Variants in HHIPL1 observed in about 807,000 individuals in gnomAD.
HHIPL1 encodes HHIP-like protein 1.
Under a neutral mutation model 61.8 loss-of-function variants are expected in HHIPL1, and 43 were observed. The ratio of observed to expected loss-of-function variants is 0.70; its 90% confidence interval spans 0.55 to 0.90. The LOEUF (loss-of-function observed/expected upper bound fraction) is 0.90, where lower values mean the gene tolerates loss of function less well. Ranked by LOEUF, HHIPL1 falls within the 40% of genes least tolerant of loss-of-function variation. The probability of loss-of-function intolerance (pLI) is 0.00; values close to 1 mark genes in which losing one functional copy is unlikely to be tolerated. For missense variants in HHIPL1, 1,056 were observed against 1,157.7 expected (o/e 0.91, Z 1.28); for synonymous variants, 482 against 515.8 (o/e 0.93, Z 0.89).
chr14:99,675,526 G>A lies in HHIPL1; in HGVS notation c.2249G>A (p.Arg750Gln), dbSNP rs1239506390. 2.7e-5 allele frequency: 42 copies of A among 1,541,526 alleles called. No individual in the cohort carries two copies. Among genetic ancestry groups the A allele is most frequent in the Admixed American group, 5.9e-5 (3 of 50,956 alleles). ...LDDVRCAGWE[R>Q]NLLECQHNGV... ...GATGTGCGCTGCGCGGGCTGGGAGC[G>A]GAACCTGCTGGAGTGCCAGCACAAC... Residue 750 changes from arginine to glutamine, a missense_variant, in exon 9 of 9, where the codon CGG (arginine) becomes CAG (glutamine). Transcript: ENST00000330710. The surrounding 1 kb of genome is among the most constrained non-coding windows in gnomAD (Gnocchi z 5.4).
intron 1 of HHIPL1, among the ~76,000 whole-genome samples, chr14:99,651,509 C>T (rs1044286245): frequency 6.6e-6 from 1 of 152,172 alleles, no homozygotes; most frequent in African/African-American, 2.4e-5. Context: ...TGAGAACTCA[C>T]TCGCTCTACA....
intron 1 of HHIPL1, among the ~76,000 whole-genome samples, chr14:99,649,136 G>A (rs78222176): frequency 0.014 from 2,070 of 152,300 alleles, 16 homozygotes; most frequent in Non-Finnish European, 0.023. Flanking sequence ...CATTTACGTC[G>A]TGTGTAAGTA....
At chr14:99,672,266 C>T in intron 7 of HHIPL1, 51 bp from the exon 8 acceptor site, 1 of 1,475,026 alleles carries the variant, frequency 6.8e-7, no homozygotes, top group Non-Finnish European at 9.3e-7. Context: ...AAGGCACCCT[C>T]AGGGTGGGCT....
the HHIPL1 span, among the ~76,000 whole-genome samples, chr14:99,626,970 G>A: frequency 6.6e-6 from 1 of 152,180 alleles, no homozygotes; most frequent in East Asian, 1.9e-4. Context: ...CTCAGGACAG[G>A]GGGAGCACCA....
At chr14:99,604,934 G>A in the HHIPL1 span, among the ~76,000 whole-genome samples, 1 of 152,244 alleles carries the variant, frequency 6.6e-6, no homozygotes, top group East Asian at 1.9e-4. Context: ...GTCCCCTGCC[G>A]GAGCACGCGG....
chr14:99,659,451 T>C lies in HHIPL1; in HGVS notation c.1070T>C (p.Leu357Pro). 3 of 1,499,072 alleles carry C rather than the reference T, an allele frequency of 2.0e-6. No homozygotes were observed. The highest frequency in any genetic ancestry group is 2.7e-6 in the Non-Finnish European group (3 of 1,127,366). The allele number at this position is 1,499,072 out of a possible 1,614,324, so 92.9% of individuals were successfully genotyped here. Residue 357 changes from leucine (L) to proline (P), a missense_variant, in exon 4 of 9, where the codon CTG becomes CCG. Leu to Pro is a moderately conservative substitution (Grantham distance 98). Transcript: ENST00000330710. ...AGGTCGGCGCTGCTGGGCAAGGTGC[T>C]GCGCATCGACGTGGACCGTAAGGAG... ...QNKSALLGKVLRIDVDRKERG... is the reference protein window; with the variant it reads ...QNKSALLGKVPRIDVDRKERG...
chr14:99,617,660 G>C, the HHIPL1 span, among the ~76,000 whole-genome samples: 1 of 152,138 alleles, frequency 6.6e-6, no homozygotes, highest in African/African-American at 2.4e-5. Flanking sequence ...ATAAAACCTA[G>C]CTCTGGGCTG....
At chr14:99,634,592 C>T in the HHIPL1 span, among the ~76,000 whole-genome samples, 1 of 152,196 alleles carries the variant, frequency 6.6e-6, no homozygotes, top group Non-Finnish European at 1.5e-5. Context: ...TTTTACAGGA[C>T]AGAGCATGGG....
At chr14:99,642,469 T>C (rs1166654651), upstream of HHIPL1, among the ~76,000 whole-genome samples, 1 of 152,220 alleles carries the variant, frequency 6.6e-6, no homozygotes. Context: ...TCAGTCTACT[T>C]GTCAGCTCGG....
chr14:99,668,179 A>T lies in HHIPL1; in HGVS notation c.1649-43A>T. Reference sequence around the variant, plus strand: ...GTGAGGCGGGGCTGGCTGGGACGGTATTCCAGGTGGGGGTCTCACTAGTCA... The same window carrying T: ...GTGAGGCGGGGCTGGCTGGGACGGTTTTCCAGGTGGGGGTCTCACTAGTCA... On this transcript the variant is annotated intron_variant, in intron 6 of 8. Transcript: ENST00000330710. This position sits in a 1 kb window ranked among gnomAD's most constrained non-coding sequence, Gnocchi z 4.7. The T allele has an allele frequency of 8.2e-7, 1 of 1,220,072 alleles. No homozygotes were observed. The highest frequency in any genetic ancestry group is 1.2e-6 in the Non-Finnish European group (1 of 820,706). 75.6% of individuals were successfully genotyped at this position (1,220,072 alleles called of 1,614,324 possible).
rs747939564 is a variant in HHIPL1, at chr14:99,657,021, A to C, written c.924A>C (p.Glu308Asp). The C allele has an allele frequency of 1.2e-6, 2 of 1,611,864 alleles. No individual in the cohort carries two copies. Among genetic ancestry groups the C allele is most frequent in the Admixed American group, 3.3e-5 (2 of 59,740 alleles). ...TTAGGATAATCCTGGAGGTCAAAGA[A>C]CCAGCCTCAAACCACAACGGGGGCC... ...SSERIILEVK[E>D]PASNHNGGQL... The change falls in exon 3 of 9, where the codon GAA becomes GAC. Residue 308 changes from glutamate (E) to aspartate (D), a missense_variant. Glu to Asp is a conservative substitution (Grantham distance 45). Coordinates refer to ENST00000330710, the MANE Select transcript of HHIPL1 (RefSeq NM_001127258.3).
the HHIPL1 span, among the ~76,000 whole-genome samples, chr14:99,613,430 A>G: frequency 6.6e-6 from 1 of 151,390 alleles, no homozygotes; most frequent in Non-Finnish European, 1.5e-5. Flanking sequence ...GGCTCAAGCA[A>G]TTCTCACACC....
intron 3 of HHIPL1, among the ~76,000 whole-genome samples, chr14:99,658,357 G>T (rs1353061313): frequency 1.3e-5 from 2 of 152,222 alleles, no homozygotes; most frequent in Non-Finnish European, 2.9e-5. Flanking sequence ...GCAGGCTGGA[G>T]TGTATGAGAG....
chr14:99,669,071 C>G (rs781281566), intron 7 of HHIPL1: 77 of 1,445,966 alleles, frequency 5.3e-5, no homozygotes, highest in Non-Finnish European at 6.9e-5. Flanking sequence ...ACGTTGCCCT[C>G]CAGGCCTCTG....
At chr14:99,629,193 C>T in the HHIPL1 span, among the ~76,000 whole-genome samples, 1 of 152,214 alleles carries the variant, frequency 6.6e-6, no homozygotes, top group East Asian at 1.9e-4. Context: ...GGGCCTTTCC[C>T]CACCTTATAC....
rs2056293970 is a variant in HHIPL1, at chr14:99,668,951, G to A, written c.1730+648G>A. On this transcript the variant is annotated intron_variant, in intron 7 of 8. Transcript: ENST00000330710. The surrounding 1 kb of genome is among the most constrained non-coding windows in gnomAD (Gnocchi z 4.7). ...TGAGCACAAAGACACGAAGTCATGG[G>A]CCTGGGGCCCAGGGCCAGGGTGGGG... is the stretch of plus-strand genomic sequence containing the variant. 8 of 1,604,220 alleles carry A rather than the reference G, an allele frequency of 5.0e-6. No individual in the cohort carries two copies. Among genetic ancestry groups the A allele is most frequent in the Non-Finnish European group, 6.8e-6 (8 of 1,173,596 alleles).
chr14:99,675,445 G>A lies in HHIPL1; in HGVS notation c.2168G>A (p.Arg723His), dbSNP rs761132705. The A allele has an allele frequency of 1.6e-5, 25 of 1,538,052 alleles. No individual in the cohort carries two copies. Among genetic ancestry groups the A allele is most frequent in the African/African-American group, 1.4e-4 (10 of 72,838 alleles). The change falls in exon 9 of 9, where the codon CGC becomes CAC. Residue 723 changes from arginine (R) to histidine (H), a missense_variant. By Grantham distance (29) the Arg-to-His change is conservative (BLOSUM62 0). Transcript: ENST00000330710. This position sits in a 1 kb window ranked among gnomAD's most constrained non-coding sequence, Gnocchi z 5.4. ...CAGCTGGGGTTTGCCTACGCCGTGC[G>A]CGCCGTCAAGAGAGCCGAGTTCGGC... ...CRQLGFAYAV[R>H]AVKRAEFGQG... is the part of the protein sequence containing the mutation.
At chr14:99,625,879 T>C in the HHIPL1 span, 1 of 152,240 alleles carries the variant, frequency 6.6e-6, no homozygotes, top group Non-Finnish European at 1.5e-5. Flanking sequence ...CTGGTGCTTG[T>C]GCCCACTCCT....
At chr14:99,628,042 G>T in the HHIPL1 span, among the ~76,000 whole-genome samples, 3 of 152,202 alleles carry the variant, frequency 2.0e-5, no homozygotes, top group Non-Finnish European at 2.9e-5. Context: ...ATGGATTGGA[G>T]GGGGCAGGCC....
Sources: allele counts gnomAD v4.1 joint callset (sites outside exome capture counted in the v4.1 genomes callset), GRCh38; gene constraint gnomAD v4.1.1; non-coding constraint Gnocchi (gnomAD v3.1); transcripts MANE v1.5; gene names NCBI Gene and HGNC (gene_info 2026-07-23, HGNC 2026-07-21).